The following TMEM178B variants were observed in gnomAD, a reference collection of about 807,000 sequenced individuals.
TMEM178B encodes transmembrane protein 178B.
TMEM178B carries 5 observed loss-of-function variants against 31.0 expected under a neutral mutation model. The ratio of observed to expected loss-of-function variants is 0.16; its 90% confidence interval spans 0.08 to 0.34. The LOEUF (loss-of-function observed/expected upper bound fraction) is 0.34. Among genes scored for constraint, TMEM178B ranks in the 10% least tolerant of loss-of-function variants. TMEM178B has a pLI of 1.00. For synonymous variants in TMEM178B, 164 were observed against 164.0 expected, an observed-to-expected ratio of 1.00 and a Z score of 0.00; for missense variants, 275 against 400.3, an observed-to-expected ratio of 0.69 and a Z score of 2.67.
chr7:141,169,642 T>C (rs1434003150), intron 1 of TMEM178B, among the ~76,000 whole-genome samples: 1 of 152,204 alleles, frequency 6.6e-6, no homozygotes, highest in Non-Finnish European at 1.5e-5. Context: ...CCTCAGTATT[T>C]ATGGAGAAAA....
chr7:141,085,548 T>A (rs1794769988), intron 1 of TMEM178B, among the ~76,000 whole-genome samples: 1 of 152,098 alleles, frequency 6.6e-6, no homozygotes, highest in East Asian at 1.9e-4. Flanking sequence ...TGCATTTATA[T>A]CATTTCCTGC....
intron 2 of TMEM178B, among the ~76,000 whole-genome samples, chr7:141,395,594 A>G (rs1800623058): frequency 6.6e-6 from 1 of 152,170 alleles, no homozygotes; most frequent in South Asian, 2.1e-4. Flanking sequence ...GCCTAGTGAC[A>G]TCAGAGGTCT....
intron 2 of TMEM178B, among the ~76,000 whole-genome samples, chr7:141,403,868 T>C (rs1800831633): frequency 6.6e-6 from 1 of 152,242 alleles, no homozygotes; most frequent in Non-Finnish European, 1.5e-5. Flanking sequence ...TTCACTACTT[T>C]GTCCCCTGCA....
At chr7:141,367,221 T>C (rs895077999) in intron 2 of TMEM178B, among the ~76,000 whole-genome samples, 1 of 151,804 alleles carries the variant, frequency 6.6e-6, no homozygotes, top group African/African-American at 2.4e-5. Context: ...AAACCAATTA[T>C]TTGATAACAG....
Position 141,109,482 on chromosome 7 carries a change from C to T in TMEM178B, c.382+34790C>T, listed in dbSNP as rs1471470263. ...AAGCTTTTGGATTCTTACCTGATCT[C>T]CTGCTCTCACTTTTCAAAGGCCTGG... On this transcript the variant is annotated intron_variant, in intron 1 of 3. Transcript: ENST00000565468. 2.0e-5 allele frequency among the ~76,000 whole-genome samples: 3 copies of T among 152,042 alleles called. No individual in the cohort carries two copies. The East Asian group carries it at 5.8e-4, about 29-fold the overall frequency.
intron 2 of TMEM178B, among the ~76,000 whole-genome samples, chr7:141,243,343 A>T (rs533239202): frequency 1.3e-5 from 2 of 152,086 alleles, no homozygotes; most frequent in African/African-American, 4.8e-5. Context: ...ATTAAAAATG[A>T]CACTGAAGTC....
chr7:141,188,865 T>TG (rs1454782594), intron 1 of TMEM178B, among the ~76,000 whole-genome samples: 1 of 152,210 alleles, frequency 6.6e-6, no homozygotes, highest in Non-Finnish European at 1.5e-5. Context: ...TACCCAAACC[T>TG]GAGAAACCCT....
chr7:141,137,482 G>A (rs1795694171), intron 1 of TMEM178B, among the ~76,000 whole-genome samples: 1 of 152,232 alleles, frequency 6.6e-6, no homozygotes, highest in African/African-American at 2.4e-5. Context: ...AATATCACAT[G>A]TTCTCATATA....
chr7:141,453,071 G>A (rs537165993), intron 3 of TMEM178B, among the ~76,000 whole-genome samples: 6 of 152,326 alleles, frequency 3.9e-5, no homozygotes, highest in East Asian at 1.9e-4. Flanking sequence ...TACAGATAGC[G>A]TCTTCTAGAA....
chr7:141,267,374 G>A (rs368948954), intron 2 of TMEM178B, among the ~76,000 whole-genome samples: 1 of 152,226 alleles, frequency 6.6e-6, no homozygotes, highest in Non-Finnish European at 1.5e-5. Flanking sequence ...ACTGAAAAGA[G>A]AGGACATTGC....
chr7:141,107,846 C>T (rs1195843209), intron 1 of TMEM178B, among the ~76,000 whole-genome samples: 1 of 152,096 alleles, frequency 6.6e-6, no homozygotes, highest in East Asian at 1.9e-4. Context: ...AGATAAAAGG[C>T]CCATGGACTG....
intron 2 of TMEM178B, among the ~76,000 whole-genome samples, chr7:141,225,621 G>T (rs977189758): frequency 6.6e-6 from 1 of 152,176 alleles, no homozygotes; most frequent in African/African-American, 2.4e-5. Context: ...TGCAAAGCTG[G>T]AGACTTACAT....
At chr7:141,299,256 A>G (rs1208252890) in intron 2 of TMEM178B, among the ~76,000 whole-genome samples, 1 of 152,120 alleles carries the variant, frequency 6.6e-6, no homozygotes, top group African/African-American at 2.4e-5. Flanking sequence ...GGCTCACTGC[A>G]AACTCCGCAT....
chr7:141,457,399 T>A (rs1369673286), intron 3 of TMEM178B, among the ~76,000 whole-genome samples: 1 of 152,232 alleles, frequency 6.6e-6, no homozygotes, highest in Non-Finnish European at 1.5e-5. Context: ...TATATATGTA[T>A]GTATGTGTGT....
At chr7:141,190,299 A>C (rs1055899041) in intron 1 of TMEM178B, among the ~76,000 whole-genome samples, 4 of 151,996 alleles carry the variant, frequency 2.6e-5, no homozygotes, top group African/African-American at 9.7e-5. Context: ...AAAGTGTTGG[A>C]TATCTCGTGT....
At chr7:141,195,243 C>T (rs568774952) in intron 1 of TMEM178B, among the ~76,000 whole-genome samples, 12 of 152,306 alleles carry the variant, frequency 7.9e-5, no homozygotes, top group Admixed American at 2.0e-4. Flanking sequence ...CATAGTTAGG[C>T]TGCAAATTTT....
chr7:141,430,710 T>G (rs1246958928), intron 2 of TMEM178B, among the ~76,000 whole-genome samples: 2 of 152,194 alleles, frequency 1.3e-5, no homozygotes, highest in Admixed American at 6.5e-5. Flanking sequence ...TTGAAGTAGC[T>G]TGTCCTGGTT....
At chr7:141,447,791 C>G (rs984157274) in intron 3 of TMEM178B, among the ~76,000 whole-genome samples, 1 of 152,072 alleles carries the variant, frequency 6.6e-6, no homozygotes, top group Non-Finnish European at 1.5e-5. Context: ...CTAGCCTGTA[C>G]CAGCTATACA....
At chr7:141,347,417 A>T (rs1586905825) in intron 2 of TMEM178B, among the ~76,000 whole-genome samples, 1 of 152,290 alleles carries the variant, frequency 6.6e-6, no homozygotes, top group East Asian at 1.9e-4. Flanking sequence ...GGAGACAGGC[A>T]TACAGTCTCT....
Sources: allele counts gnomAD v4.1 joint callset (sites outside exome capture counted in the v4.1 genomes callset), GRCh38; gene constraint gnomAD v4.1.1; transcripts MANE v1.5; gene names NCBI Gene and HGNC (gene_info 2026-07-23, HGNC 2026-07-21).